Variants in LCOR observed in about 807,000 individuals in gnomAD.
The protein encoded by LCOR is ligand-dependent corepressor.
A neutral mutation model predicts 64.4 loss-of-function variants in LCOR; 14 were observed. That is an observed-to-expected ratio of 0.22 (90% CI 0.14 to 0.34). The LOEUF (loss-of-function observed/expected upper bound fraction) is 0.34. Ranked by LOEUF, LCOR falls within the 10% of genes least tolerant of loss-of-function variation. The pLI, the probability that LCOR is intolerant of heterozygous loss-of-function variation, is 1.00. For missense variants in LCOR, 1,686 were observed against 1,765.3 expected, an observed-to-expected ratio of 0.96 and a Z score of 0.80; for synonymous variants, 643 against 642.5, an observed-to-expected ratio of 1.00 and a Z score of -0.01.
intron 4 of LCOR, among the ~76,000 whole-genome samples, chr10:96,908,675 A>C (rs941539132): frequency 6.6e-6 from 1 of 150,774 alleles, no homozygotes; most frequent in South Asian, 2.1e-4. Context: ...TGGTACATCC[A>C]TTCCCTGTTT....
intron 7 of LCOR, 67 bp downstream of exon 7, chr10:96,952,263 C>G: frequency 1.9e-6 from 2 of 1,041,580 alleles, no homozygotes; most frequent in Non-Finnish European, 2.9e-6. Context: ...TGATGCCAGT[C>G]TCCCTTTTAC....
chr10:96,844,508 CAGG>C, intron 2 of LCOR, among the ~76,000 whole-genome samples: 1 of 152,242 alleles, frequency 6.6e-6, no homozygotes, highest in East Asian at 1.9e-4. Flanking sequence ...TTACCATAAA[CAGG>C]AGTTTATTCT....
At chr10:96,883,581 T>G (rs1257686500) in intron 2 of LCOR, among the ~76,000 whole-genome samples, 1 of 152,212 alleles carries the variant, frequency 6.6e-6, no homozygotes, top group Non-Finnish European at 1.5e-5. Flanking sequence ...TGTTTCAACT[T>G]GCAGTTCCCT....
At chr10:96,850,115 G>A (rs1845700729) in intron 2 of LCOR, among the ~76,000 whole-genome samples, 1 of 152,106 alleles carries the variant, frequency 6.6e-6, no homozygotes, top group African/African-American at 2.4e-5. Flanking sequence ...AAAGTTCTAG[G>A]TTGAAAGTGA....
At position 96,932,207 on chromosome 10, in the gene LCOR, A is replaced by C. The variant is rs1847273172; in HGVS notation, c.-183-11906A>C. Among the ~76,000 whole-genome samples the C allele has an allele frequency of 3.3e-5, 5 of 152,160 alleles. No individual in the cohort carries two copies. The South Asian group carries it at 1.0e-3, about 32-fold the overall frequency. ...GATAGATTTGAAAAATAAATCAATAAATGAAATTAATGTTTATAGAACTAT... is the reference window on the plus strand; with the variant it reads ...GATAGATTTGAAAAATAAATCAATACATGAAATTAATGTTTATAGAACTAT... On this transcript the variant is annotated intron_variant, in intron 4 of 7. Transcript: ENST00000421806.
intron 4 of LCOR, among the ~76,000 whole-genome samples, chr10:96,924,263 C>T (rs773161361): frequency 2.6e-5 from 4 of 152,134 alleles, no homozygotes; most frequent in Non-Finnish European, 5.9e-5. Context: ...AGTGCAGTGA[C>T]GTGATCTCGG....
intron 4 of LCOR, among the ~76,000 whole-genome samples, chr10:96,936,168 G>A (rs1024881348): frequency 2.6e-5 from 4 of 152,254 alleles, no homozygotes; most frequent in African/African-American, 9.6e-5. Context: ...CTGCAAAGGG[G>A]CCCACCAGCT....
At chr10:96,881,048 T>C (rs1052799964) in intron 2 of LCOR, among the ~76,000 whole-genome samples, 8 of 152,220 alleles carry the variant, frequency 5.3e-5, no homozygotes, top group Non-Finnish European at 1.5e-5. Context: ...TGGTCTGTTT[T>C]TGTAAGTCTC....
rs777719136 is a variant in LCOR at position 96,949,078 on chromosome 10, A to G, written c.21A>G (p.Gln7=). 2 of 1,614,012 alleles carry G rather than the reference A, an allele frequency of 1.2e-6. No homozygotes were observed. The highest frequency in any genetic ancestry group is 1.1e-5 in the South Asian group (1 of 91,074). MQRMIQ[Q]FAAEYTSKNS... ...AGATCATGCAGCGAATGATCCAACA[A>G]TTTGCTGCTGAATATACCTCAAAAA... The change falls in exon 6 of 8, where the codon CAA becomes CAG. Residue 7 remains glutamine, a synonymous_variant. Coordinates refer to ENST00000421806, the MANE Select transcript of LCOR (RefSeq NM_001346516.2).
rs1847547975 is a variant in LCOR, at chr10:96,944,199, C to T, written c.-97C>T. The T allele has an allele frequency of 9.1e-6, 9 of 985,512 alleles. No individual in the cohort carries two copies. In the South Asian group the frequency reaches 1.4e-4, roughly 15 times the overall value. 61.0% of individuals were successfully genotyped at this position (985,512 alleles called of 1,614,324 possible). On this transcript the variant is annotated 5_prime_UTR_variant, in exon 5 of 8. Coordinates refer to ENST00000421806, the MANE Select transcript of LCOR (RefSeq NM_001346516.2). ...AAGAGCAAGCAAAAATCATTCGATT[C>T]GAGAGACAAGCAGAAGAATTCCTCA...
rs1392453894 is a variant in LCOR, at chr10:96,981,621, T to C, written c.1161T>C (p.Asp387=). Residue 387 remains aspartate, a synonymous_variant, in exon 8 of 8, where the codon GAT becomes GAC. Transcript: ENST00000421806. ...LRQDLEANEQ[D]ARPKQENHLH... ...AGGATTTAGAGGCAAATGAACAAGATGCAAGGCCAAAGCAAGAGAACCATC... is the reference window on the plus strand; with the variant it reads ...AGGATTTAGAGGCAAATGAACAAGACGCAAGGCCAAAGCAAGAGAACCATC... 2 of 1,614,176 alleles carry C rather than the reference T, an allele frequency of 1.2e-6. No homozygotes were observed. Among genetic ancestry groups the C allele is most frequent in the East Asian group, 2.2e-5 (1 of 44,880 alleles).
intron 2 of LCOR, among the ~76,000 whole-genome samples, chr10:96,891,021 C>T (rs1309657617): frequency 6.6e-6 from 1 of 152,036 alleles, no homozygotes; most frequent in Non-Finnish European, 1.5e-5. Context: ...TCTGTCTTTG[C>T]TATCAGGGTA....
At chr10:96,842,942 C>G (rs867609315) in intron 2 of LCOR, among the ~76,000 whole-genome samples, 14 of 152,062 alleles carry the variant, frequency 9.2e-5, no homozygotes, top group Non-Finnish European at 1.8e-4. Flanking sequence ...CTAGTTTATA[C>G]AAATTTTTGA....
In LCOR at chr10:96,952,184, C is replaced by T. The variant is rs1030764384; in HGVS notation, c.320C>T (p.Thr107Ile). Reference protein sequence around the residue: ...SLSHSPGCSSTQGNGENSTEA... With the variant: ...SLSHSPGCSSIQGNGENSTEA... ...AGCCACTCTCCAGGCTGCTCCAGTA[C>T]TCAAGGGAACGGGTAAGGGAGAATA... Residue 107 changes from threonine (T) to isoleucine (I), a missense_variant, in exon 7 of 8, where the codon ACT becomes ATT. By Grantham distance (89) the Thr-to-Ile change is moderately conservative. This residue lies in a region of LCOR where 313 missense variants were observed against 247.2 expected (regional missense o/e 1.27). Coordinates refer to ENST00000421806, the MANE Select transcript of LCOR (RefSeq NM_001346516.2). 1.2e-6 allele frequency: 2 copies of T among 1,612,076 alleles called. No individual in the cohort carries two copies. The highest frequency in any genetic ancestry group is 1.7e-5 in the Admixed American group (1 of 60,002).
At chr10:96,907,575 AGTTT>A (rs899628200) in intron 3 of LCOR, 89 bp from the exon 4 acceptor site, 2 of 435,516 alleles carry the variant, frequency 4.6e-6, no homozygotes, top group African/African-American at 4.3e-5. Flanking sequence ...CTAACTACTT[AGTTT>A]TTTGTTAAAC....
chr10:96,915,373 T>C (rs1272924225), intron 4 of LCOR, among the ~76,000 whole-genome samples: 3 of 151,928 alleles, frequency 2.0e-5, no homozygotes, highest in African/African-American at 7.3e-5. Flanking sequence ...ACAAAAAAAT[T>C]AGCCAGGCGT....
At chr10:96,843,257 C>T (rs1285893345) in intron 2 of LCOR, among the ~76,000 whole-genome samples, 1 of 152,112 alleles carries the variant, frequency 6.6e-6, no homozygotes, top group Non-Finnish European at 1.5e-5. Context: ...CCTGGAGTAT[C>T]TGGGAATGCA....
intron 4 of LCOR, among the ~76,000 whole-genome samples, chr10:96,929,417 G>A (rs1048157851): frequency 6.6e-6 from 1 of 152,148 alleles, no homozygotes; most frequent in South Asian, 2.1e-4. Context: ...AACCTCATAA[G>A]CCAACCTCGG....
rs1483285172 is a variant in LCOR at position 96,849,428 on chromosome 10, T to C, written c.-330+15949T>C. Among the ~76,000 whole-genome samples, 6 of 152,182 alleles carry C rather than the reference T, an allele frequency of 3.9e-5. No individual in the cohort carries two copies. The East Asian group carries it at 1.2e-3, about 29-fold the overall frequency. ...TTTTGCCATGTCACCCAGGCTGGTC[T>C]TGAACTCCTGACCTCAGGTGATTGG... is the stretch of plus-strand genomic sequence containing the variant. On this transcript the variant is annotated intron_variant, in intron 2 of 7. Transcript: ENST00000421806.
Sources: allele counts gnomAD v4.1 joint callset (sites outside exome capture counted in the v4.1 genomes callset), GRCh38; gene constraint gnomAD v4.1.1; regional missense constraint gnomAD v4.1.1; transcripts MANE v1.5; gene names NCBI Gene and HGNC (gene_info 2026-07-23, HGNC 2026-07-21).